ASAP1: variants seen among roughly 807,000 people sequenced by gnomAD.
The protein encoded by ASAP1 is ArfGAP with SH3 domain, ankyrin repeat and PH domain 1, also known as arf-GAP with SH3 domain, ANK repeat and PH domain-containing protein 1.
ASAP1 carries 43 observed loss-of-function variants against 145.2 expected under a neutral mutation model. The ratio of observed to expected loss-of-function variants is 0.30; its 90% confidence interval spans 0.23 to 0.38. The LOEUF is 0.38. ASAP1 is among the 10% of genes least tolerant of loss of function. The probability of loss-of-function intolerance (pLI) is 1.00; values close to 1 mark genes in which losing one functional copy is unlikely to be tolerated. For synonymous variants in ASAP1, 546 were observed against 515.5 expected, an observed-to-expected ratio of 1.06 and a Z score of -0.80; for missense variants, 1,018 against 1,355.3, an observed-to-expected ratio of 0.75 and a Z score of 3.91.
chr8:130,107,483 C>T (rs956851550), intron 24 of ASAP1, among the ~76,000 whole-genome samples: 14 of 150,640 alleles, frequency 9.3e-5, no homozygotes, highest in Non-Finnish European at 2.1e-4. Context: ...CCATGCCCGG[C>T]CCATAGTCTC....
chr8:130,137,128 T>C lies in ASAP1; in HGVS notation c.1081-90A>G, dbSNP rs2097596760. The C allele has an allele frequency of 9.8e-6, 10 of 1,024,560 alleles. No homozygotes were observed. The East Asian group carries it at 1.9e-4, about 19-fold the overall frequency. 63.5% of individuals were successfully genotyped at this position (1,024,560 alleles called of 1,614,324 possible). A position where few individuals can be genotyped will look rare whatever the true frequency, so the allele number is the denominator to read the frequency against. The stretch of plus-strand genomic sequence containing the variant: ...CCCTGTAGGGCAGGTATGCTGTTCA[T>C]AAGGCCTGCTCAGTGGTACAAAAAT... On this transcript the variant is annotated intron_variant, in intron 13 of 29. Transcript: ENST00000518721.
chr8:130,338,964 G>A (rs1372274673), intron 3 of ASAP1, among the ~76,000 whole-genome samples: 1 of 152,212 alleles, frequency 6.6e-6, no homozygotes, highest in Non-Finnish European at 1.5e-5. Context: ...GATGGGGGCA[G>A]AGTAACAAAA....
intron 3 of ASAP1, among the ~76,000 whole-genome samples, chr8:130,332,769 A>G (rs1824777908): frequency 6.6e-6 from 1 of 152,232 alleles, no homozygotes; most frequent in Non-Finnish European, 1.5e-5. Flanking sequence ...TCCAACCTGG[A>G]AGAAGCCATT....
intron 1 of ASAP1, among the ~76,000 whole-genome samples, chr8:130,411,669 A>T (rs190056143): frequency 5.3e-5 from 8 of 152,340 alleles, no homozygotes. Flanking sequence ...AAGTTGTATA[A>T]GTGTAGAAAT....
intron 3 of ASAP1, among the ~76,000 whole-genome samples, chr8:130,286,444 G>A (rs1298642499): frequency 1.3e-5 from 2 of 152,158 alleles, no homozygotes; most frequent in Non-Finnish European, 2.9e-5. Context: ...ACAAAATCGG[G>A]AGTCACAGCA....
intron 1 of ASAP1, among the ~76,000 whole-genome samples, chr8:130,422,460 C>T (rs1012825904): frequency 2.0e-5 from 3 of 152,208 alleles, no homozygotes; most frequent in Non-Finnish European, 4.4e-5. Flanking sequence ...CTGGCTCCTG[C>T]TCCCTGGGCT....
At chr8:130,224,533 T>C (rs1374882814) in intron 4 of ASAP1, among the ~76,000 whole-genome samples, 2 of 152,094 alleles carry the variant, frequency 1.3e-5, no homozygotes, top group African/African-American at 4.8e-5. Context: ...ACCTTAGGAT[T>C]AAAAAAGATA....
At chr8:130,355,867 T>C (rs968191434) in intron 3 of ASAP1, among the ~76,000 whole-genome samples, 5 of 152,118 alleles carry the variant, frequency 3.3e-5, no homozygotes, top group African/African-American at 9.7e-5. Context: ...GGAGACAATG[T>C]TTTCCTGGCC....
chr8:130,400,135 G>T (rs544007789), intron 2 of ASAP1, among the ~76,000 whole-genome samples: 1 of 152,122 alleles, frequency 6.6e-6, no homozygotes, highest in South Asian at 2.1e-4. Flanking sequence ...CCGGTGTCTT[G>T]TGTGAGATCA....
chr8:130,204,132 C>T (rs748499852), intron 5 of ASAP1, among the ~76,000 whole-genome samples: 4 of 152,234 alleles, frequency 2.6e-5, no homozygotes, highest in Middle Eastern at 3.4e-3. Context: ...AGCTGAGTTC[C>T]GCCTCCTGTT....
intron 3 of ASAP1, among the ~76,000 whole-genome samples, chr8:130,276,728 A>ACACACACACACACACACACTCTCTCT (rs548512902): frequency 2.3e-5 from 2 of 87,268 alleles, no homozygotes; most frequent in Admixed American, 1.3e-4. Context: ...ACACACACAC[A>ACACACACACACACACACACTCTCTCT]CTCTCTCTCT....
chr8:130,164,073 G>C (rs752456776), intron 11 of ASAP1, among the ~76,000 whole-genome samples: 2 of 152,136 alleles, frequency 1.3e-5, no homozygotes, highest in Non-Finnish European at 2.9e-5. Context: ...GTGGGCAAAA[G>C]ATTCCTTCTG....
chr8:130,147,043 T>C (rs1208862815), intron 13 of ASAP1, among the ~76,000 whole-genome samples: 6 of 151,822 alleles, frequency 4.0e-5, no homozygotes, highest in Admixed American at 3.9e-4. Context: ...CCGGCCAACA[T>C]GGTGAAACCC....
chr8:130,231,662 GTGTTGTGTGAGAA>G (rs1005598974), intron 4 of ASAP1, among the ~76,000 whole-genome samples: 2 of 152,214 alleles, frequency 1.3e-5, no homozygotes, highest in Non-Finnish European at 2.9e-5. Context: ...ACCTGTACCT[GTGTTGTGTGAGAA>G]TGTATCTGCT....
At chr8:130,260,389 C>A (rs1819822117) in intron 3 of ASAP1, among the ~76,000 whole-genome samples, 1 of 152,192 alleles carries the variant, frequency 6.6e-6, no homozygotes, top group African/African-American at 2.4e-5. Flanking sequence ...AGCCACTTTT[C>A]TCTTAACAGC....
At position 130,298,300 on chromosome 8, in the gene ASAP1, C is replaced by T. The variant is rs530672701; in HGVS notation, c.186+59717G>A. On this transcript the variant is annotated intron_variant, in intron 3 of 29. Transcript: ENST00000518721. ...CACATCTTTTCAACATGATGTACAA[C>T]ATAGATGAAGACTCCAAATGGCAGA... Among the ~76,000 whole-genome samples, 154 of 152,298 alleles carry T rather than the reference C, an allele frequency of 1.0e-3. 1 individual carries two copies. The highest frequency in any genetic ancestry group is 3.3e-3 in the Admixed American group (51 of 15,310).
chr8:130,346,178 A>T (rs1825692606), intron 3 of ASAP1, among the ~76,000 whole-genome samples: 1 of 152,250 alleles, frequency 6.6e-6, no homozygotes, highest in African/African-American at 2.4e-5. Flanking sequence ...ACCTAGGGTT[A>T]AAAAGTGAGG....
chr8:130,323,004 T>G (rs565641508), intron 3 of ASAP1, among the ~76,000 whole-genome samples: 2 of 152,242 alleles, frequency 1.3e-5, no homozygotes, highest in East Asian at 3.9e-4. Context: ...TCAAACTGGA[T>G]GAGAAAAAGA....
chr8:130,326,943 T>G lies in ASAP1; in HGVS notation c.186+31074A>C, dbSNP rs545030088. Among the ~76,000 whole-genome samples, 389 of 152,300 alleles carry G rather than the reference T, an allele frequency of 2.6e-3. 1 individual carries two copies. Among genetic ancestry groups the G allele is most frequent in the Middle Eastern group, 0.014 (4 of 294 alleles). On this transcript the variant is annotated intron_variant, in intron 3 of 29. Transcript: ENST00000518721. The stretch of plus-strand genomic sequence containing the variant: ...AGATTCTGGCACACCAGACCCACTG[T>G]GGTTATTCCTTCCCCTCCCCAGGTC...
Sources: gnomAD v4.1 joint callset for allele counts (sites outside exome capture counted in the v4.1 genomes callset) on GRCh38, gnomAD v4.1.1 for gene constraint, MANE v1.5 for transcripts, NCBI Gene and HGNC (gene_info 2026-07-23, HGNC 2026-07-21) for gene names.